The following FNBP1 variants were observed in gnomAD, a reference collection of about 807,000 sequenced individuals.
FNBP1 encodes formin binding protein 1.
In FNBP1, 26 loss-of-function variants were observed where a neutral mutation model predicts 90.6. The ratio of observed to expected loss-of-function variants is 0.29; its 90% CI spans 0.21 to 0.40. FNBP1 has a LOEUF of 0.40. FNBP1 is among the 10% of genes least tolerant of loss of function. The pLI is 1.00. For missense variants in FNBP1, 635 were observed against 768.0 expected, an observed-to-expected ratio of 0.83 and a Z score of 2.05; for synonymous variants, 260 against 265.2, an observed-to-expected ratio of 0.98 and a Z score of 0.19.
In FNBP1 at chr9:130,042,516, G is replaced by A. The variant is rs922522153; in HGVS notation, c.24+436C>T. 2.6e-5 allele frequency among the ~76,000 whole-genome samples: 4 copies of A among 151,690 alleles called. No homozygotes were observed. The highest frequency in any genetic ancestry group is 4.4e-5 in the Non-Finnish European group (3 of 67,866). The stretch of plus-strand genomic sequence containing the variant: ...GTGCCCGATCCGCCAGCGCCTCCGC[G>A]GAGCCAGGACAGAACTCGCGGCCGG... On this transcript the variant is annotated intron_variant, in intron 1 of 16. Transcript: ENST00000446176. This position sits in a 1 kb window ranked among gnomAD's most constrained non-coding sequence, Gnocchi z 5.5.
chr9:129,953,233 CG>C (rs1215994495), intron 6 of FNBP1, among the ~76,000 whole-genome samples: 2 of 152,158 alleles, frequency 1.3e-5, no homozygotes, highest in Non-Finnish European at 2.9e-5. Context: ...CGCCTGTAAT[CG>C]CAGCACTTTG....
intron 16 of FNBP1, among the ~76,000 whole-genome samples, chr9:129,893,623 A>AAAAAAAAAAAAAAAAAAAAAC (rs2035338139): frequency 7.8e-6 from 1 of 128,312 alleles, no homozygotes; most frequent in Non-Finnish European, 1.6e-5. Context: ...AAAAAAAAAA[A>AAAAAAAAAAAAAAAAAAAAAC]AAAAAAAAAA....
intron 1 of FNBP1, among the ~76,000 whole-genome samples, chr9:129,996,949 C>A (rs1589153037): frequency 6.6e-6 from 1 of 152,146 alleles, no homozygotes; most frequent in African/African-American, 2.4e-5. Flanking sequence ...CCCGCCTTGG[C>A]ATCCCAAAGT....
chr9:129,900,116 A>G lies in FNBP1; in HGVS notation c.1551-15T>C. 6.3e-7 allele frequency: 1 copy of G among 1,591,708 alleles called. No individual in the cohort carries two copies. The highest frequency in any genetic ancestry group is 1.4e-5 in the African/African-American group (1 of 73,908). ...TGCCATCTGGGCTGCTCAAGAAAGG[A>G]AAACACAAAGCAACTAAAGCGACTG... On this transcript the variant is annotated splice_polypyrimidine_tract_variant and intron_variant, in intron 14 of 16. Coordinates refer to ENST00000446176, the MANE Select transcript of FNBP1 (RefSeq NM_015033.3). The surrounding 1 kb of genome is among the most constrained non-coding windows in gnomAD (Gnocchi z 4.1).
chr9:130,030,684 C>T (rs1194235377), intron 1 of FNBP1, among the ~76,000 whole-genome samples: 1 of 152,142 alleles, frequency 6.6e-6, no homozygotes, highest in Non-Finnish European at 1.5e-5. Context: ...GCTTTCCACC[C>T]AGATTAGCCT....
chr9:130,039,212 T>C (rs2059611250), intron 1 of FNBP1, among the ~76,000 whole-genome samples: 2 of 152,244 alleles, frequency 1.3e-5, no homozygotes. Flanking sequence ...TGCTTCCACG[T>C]AGATATCTTT....
intron 1 of FNBP1, among the ~76,000 whole-genome samples, chr9:130,034,009 CTGTCT>C: frequency 7.2e-6 from 1 of 139,638 alleles, no homozygotes. Flanking sequence ...GAACAAGACT[CTGTCT>C]CAAAAAAAAA....
rs374317615 is a variant in FNBP1, at chr9:129,947,422, A to G, written c.513+9938T>C. 4.9e-5 allele frequency among the ~76,000 whole-genome samples: 7 copies of G among 142,144 alleles called. No individual in the cohort carries two copies. The East Asian group carries it at 7.9e-4, about 16-fold the overall frequency. 93.3% of individuals were successfully genotyped at this position (142,144 alleles called of 152,430 possible). ...GCCATTGCACTCCAGCCTGGGCAAC[A>G]AGAGTAAAACTCCGTCTCAAAAAAA... On this transcript the variant is annotated intron_variant, in intron 6 of 16. Coordinates refer to ENST00000446176, the MANE Select transcript of FNBP1 (RefSeq NM_015033.3).
At chr9:129,954,938 G>A (rs1207258540) in intron 6 of FNBP1, among the ~76,000 whole-genome samples, 1 of 151,854 alleles carries the variant, frequency 6.6e-6, no homozygotes, top group East Asian at 1.9e-4. Flanking sequence ...AGATTGCAAT[G>A]AACCGAGATT....
At chr9:129,941,715 T>C (rs917096616) in intron 6 of FNBP1, among the ~76,000 whole-genome samples, 3 of 152,278 alleles carry the variant, frequency 2.0e-5, no homozygotes, top group Middle Eastern at 3.4e-3. Flanking sequence ...TCCTTCCACC[T>C]TGGCCTCCCA....
intron 15 of FNBP1, among the ~76,000 whole-genome samples, chr9:129,896,620 G>A (rs1008963966): frequency 6.6e-6 from 1 of 151,988 alleles, no homozygotes; most frequent in Non-Finnish European, 1.5e-5. Flanking sequence ...GACCTTAGGT[G>A]ATCCACCAGC....
At position 129,974,444 on chromosome 9, in the gene FNBP1, G is replaced by A. The variant is rs572430044; in HGVS notation, c.345+4021C>T. On this transcript the variant is annotated intron_variant, in intron 4 of 16. Transcript: ENST00000446176. Reference sequence around the variant, plus strand: ...CTCCCGAAGTGCTGGGACTACAGGCGTGAGCCACCACGCCAGGCCTCCAAT... The same window carrying A: ...CTCCCGAAGTGCTGGGACTACAGGCATGAGCCACCACGCCAGGCCTCCAAT... 3.9e-5 allele frequency among the ~76,000 whole-genome samples: 6 copies of A among 152,278 alleles called. No individual in the cohort carries two copies. In the South Asian group the frequency reaches 8.3e-4, roughly 21 times the overall value.
chr9:130,021,281 C>T (rs1012709550), intron 1 of FNBP1, among the ~76,000 whole-genome samples: 3 of 152,128 alleles, frequency 2.0e-5, no homozygotes, highest in African/African-American at 2.4e-5. Flanking sequence ...AATCACAACA[C>T]AGGGAAACTG....
chr9:129,948,933 C>T (rs188780639), intron 6 of FNBP1, among the ~76,000 whole-genome samples: 32 of 152,058 alleles, frequency 2.1e-4, no homozygotes, highest in African/African-American at 7.2e-4. Context: ...TACTTTATCT[C>T]GGTGTTTTAA....
chr9:129,972,172 C>T (rs1281286862), intron 4 of FNBP1, among the ~76,000 whole-genome samples: 2 of 152,204 alleles, frequency 1.3e-5, no homozygotes, highest in East Asian at 1.9e-4. Context: ...CTTGCTCGGT[C>T]GCCCAGGCTA....
At chr9:129,932,318 T>C (rs2042893404) in intron 6 of FNBP1, among the ~76,000 whole-genome samples, 1 of 151,746 alleles carries the variant, frequency 6.6e-6, no homozygotes, top group African/African-American at 2.4e-5. Context: ...AAGAAACACA[T>C]GAGAGGAAAG....
intron 1 of FNBP1, among the ~76,000 whole-genome samples, chr9:130,023,704 G>GGACAC (rs2058073969): frequency 6.6e-6 from 1 of 151,910 alleles, no homozygotes. Context: ...GGGTTCCTAA[G>GGACAC]TGTTCTCCCA....
At position 129,889,658 on chromosome 9, in the gene FNBP1, G is replaced by A. The variant is rs571222565; in HGVS notation, c.*881C>T. ...GGCTCCTGGAAAGGAGAGGATGTTC[G>A]CTTTGCAATGAGCTGGTGCAGAGGG... On this transcript the variant is annotated 3_prime_UTR_variant, in exon 17 of 17. Coordinates refer to ENST00000446176, the MANE Select transcript of FNBP1 (RefSeq NM_015033.3). The A allele has an allele frequency of 6.5e-5, 15 of 229,828 alleles. No individual in the cohort carries two copies. Among genetic ancestry groups the A allele is most frequent in the South Asian group, 3.6e-4 (2 of 5,530 alleles). 14.2% of individuals were successfully genotyped at this position (229,828 alleles called of 1,614,324 possible).
chr9:129,923,921 C>T lies in FNBP1; in HGVS notation c.1093G>A (p.Glu365Lys). 2 of 1,596,012 alleles carry T rather than the reference C, an allele frequency of 1.3e-6. No individual in the cohort carries two copies. The highest frequency in any genetic ancestry group is 8.5e-7 in the Non-Finnish European group (1 of 1,173,510). The change falls in exon 10 of 17, where the codon GAA (glutamate) becomes AAA (lysine). Residue 365 changes from glutamate (E) to lysine (K), a missense_variant. Coordinates refer to ENST00000446176, the MANE Select transcript of FNBP1 (RefSeq NM_015033.3). ...NGPQSPKQQK[E>K]PLSHRFNEFM... Reference sequence around the variant, plus strand: ...TCGTTGAAGCGATGGGAGAGGGGTTCCTTTTGCTGCTTGGGAGACTGGGGG... The same window carrying T: ...TCGTTGAAGCGATGGGAGAGGGGTTTCTTTTGCTGCTTGGGAGACTGGGGG...
Sources: allele counts gnomAD v4.1 joint callset (sites outside exome capture counted in the v4.1 genomes callset), GRCh38; gene constraint gnomAD v4.1.1; non-coding constraint Gnocchi (gnomAD v3.1); transcripts MANE v1.5; gene names NCBI Gene and HGNC (gene_info 2026-07-23, HGNC 2026-07-21).